The following ADGRV1 variants were observed in gnomAD, a reference collection of about 807,000 sequenced individuals.
The protein encoded by ADGRV1 is adhesion G protein-coupled receptor V1, also known as G-protein coupled receptor 98.
In ADGRV1, 359 loss-of-function variants were observed where a neutral mutation model predicts 596.2. The ratio of observed to expected loss-of-function variants is 0.60; its 90% CI spans 0.55 to 0.66. The LOEUF is 0.66. ADGRV1 is among the 30% of genes least tolerant of loss of function. The probability of loss-of-function intolerance (pLI) is 0.00; values close to 1 mark genes in which losing one functional copy is unlikely to be tolerated. For synonymous variants in ADGRV1, 2,681 were observed against 2,679.2 expected (o/e 1.00, Z -0.02); for missense variants, 7,274 against 7,575.6 (o/e 0.96, Z 1.48).
In ADGRV1 at chr5:90,728,664, T is replaced by C. The variant is rs769914351; in HGVS notation, c.10162-5T>C. ...AAGGGTTTTGTATTTCAACATTTCC[T>C]TCAGGTCTTCAGGTGGAATGGAGGA... On this transcript the variant is annotated splice_region_variant and splice_polypyrimidine_tract_variant and intron_variant, in intron 48 of 89. Coordinates refer to ENST00000405460, the MANE Select transcript of ADGRV1 (RefSeq NM_032119.4). 1.2e-6 allele frequency: 2 copies of C among 1,602,370 alleles called. No individual in the cohort carries two copies. Among genetic ancestry groups the C allele is most frequent in the Admixed American group, 1.7e-5 (1 of 58,592 alleles).
chr5:90,646,963 G>A (rs1240963960), intron 16 of ADGRV1, among the ~76,000 whole-genome samples: 2 of 151,758 alleles, frequency 1.3e-5, no homozygotes, highest in Admixed American at 6.6e-5. Context: ...TAGTAGAGAC[G>A]GGTTTTCACT....
At position 90,810,437 on chromosome 5, in the gene ADGRV1, G is replaced by T. The variant is rs201416399; in HGVS notation, c.15177G>T (p.Gln5059His). ...CACTGGAAGATTTTGAGCCTGTTCA[G>T]AATGGGGAACTGTTTTTTCAAAAAT... ...AKPLEDFEPVQNGELFFQKFQ... is the reference protein window; with the variant it reads ...AKPLEDFEPVHNGELFFQKFQ... Residue 5059 changes from glutamine (Q) to histidine (H), a missense_variant, in exon 74 of 90, where the codon CAG (glutamine) becomes CAT (histidine). By Grantham distance (24) the Gln-to-His change is conservative. Coordinates refer to ENST00000405460, the MANE Select transcript of ADGRV1 (RefSeq NM_032119.4). The T allele has an allele frequency of 1.1e-4, 173 of 1,613,862 alleles. No homozygotes were observed. The African/African-American group carries it at 1.9e-3, about 18-fold the overall frequency.
At chr5:90,812,521 A>G (rs950467195) in intron 74 of ADGRV1, among the ~76,000 whole-genome samples, 3 of 152,214 alleles carry the variant, frequency 2.0e-5, no homozygotes, top group Admixed American at 6.5e-5. Flanking sequence ...GGAAATGTAC[A>G]GTACTCTATA....
At position 91,131,424 on chromosome 5, in the gene ADGRV1, T is replaced by G. The variant is rs546067723; in HGVS notation, c.18433-18606T>G. Among the ~76,000 whole-genome samples, 650 of 147,102 alleles carry G rather than the reference T, an allele frequency of 4.4e-3. 6 individuals carry two copies. Among genetic ancestry groups the G allele is most frequent in the African/African-American group, 0.016 (628 of 40,210 alleles). On this transcript the variant is annotated intron_variant, in intron 87 of 89. Transcript: ENST00000405460. ...CTTCTTTTGAAGTGTCTGTTTGGGTTTTTTTTTTTTTTTTGGTTTTTCTTT... is the reference window on the plus strand; with the variant it reads ...CTTCTTTTGAAGTGTCTGTTTGGGTGTTTTTTTTTTTTTTGGTTTTTCTTT...
In ADGRV1 at chr5:90,811,266, C is replaced by T; in HGVS notation, c.16006C>T (p.Gln5336Ter). 6.2e-7 allele frequency: 1 copy of T among 1,612,590 alleles called. No individual in the cohort carries two copies. Among genetic ancestry groups the T allele is most frequent in the Non-Finnish European group, 8.5e-7 (1 of 1,179,230 alleles). ...CTTCTACGTGTTTCTCACAAACCCT[C>T]AAGGGGGAGCACAGATTGTGGAGGA... The part of the protein sequence containing the change: ...EFFYVFLTNP[Q>*]GGAQIVEEKD... Residue 5336 changes from glutamine (Q) to a stop codon, truncating the protein, a stop_gained, in exon 74 of 90, where the codon CAA becomes TAA. Transcript: ENST00000405460. LOFTEE classifies it high-confidence loss of function.
intron 5 of ADGRV1, among the ~76,000 whole-genome samples, chr5:90,624,377 T>G (rs1420699963): frequency 6.6e-6 from 1 of 152,090 alleles, no homozygotes; most frequent in Non-Finnish European, 1.5e-5. Flanking sequence ...CAGAGTAGAG[T>G]GTTTTCAACT....
rs559452205 is a variant in ADGRV1, at chr5:90,846,871, G to A, written c.17020-1766G>A. ...AGCCGATTGGTCTGTTTTACAGAGC[G>A]CTGATTGGTCCATTTTGACAGGGTG... On this transcript the variant is annotated intron_variant, in intron 78 of 89. Transcript: ENST00000405460. Among the ~76,000 whole-genome samples the A allele has an allele frequency of 8.5e-5, 13 of 152,296 alleles. 1 individual carries two copies. In the East Asian group the frequency reaches 1.2e-3, roughly 14 times the overall value.
At chr5:90,670,072 C>T (rs137953262) in intron 21 of ADGRV1, among the ~76,000 whole-genome samples, 1 of 152,272 alleles carries the variant, frequency 6.6e-6, no homozygotes, top group Non-Finnish European at 1.5e-5. Flanking sequence ...TTTATGATGT[C>T]AATCTCATCT....
At chr5:90,819,051 C>A (rs948928477) in intron 75 of ADGRV1, among the ~76,000 whole-genome samples, 1 of 152,036 alleles carries the variant, frequency 6.6e-6, no homozygotes, top group Non-Finnish European at 1.5e-5. Flanking sequence ...GTCCTGGACT[C>A]TTTTTGGTTG....
chr5:90,695,627 T>A (rs1326003186), intron 33 of ADGRV1, among the ~76,000 whole-genome samples: 1 of 152,148 alleles, frequency 6.6e-6, no homozygotes, highest in African/African-American at 2.4e-5. Flanking sequence ...TTTTAAGGCA[T>A]ATACTTTTTT....
chr5:91,148,469 C>T (rs529590982), intron 87 of ADGRV1, among the ~76,000 whole-genome samples: 1 of 152,366 alleles, frequency 6.6e-6, no homozygotes, highest in East Asian at 1.9e-4. Flanking sequence ...GCCTTGGCAG[C>T]TTCCACATGG....
At chr5:90,688,999 A>C (rs548345061) in intron 29 of ADGRV1, among the ~76,000 whole-genome samples, 1 of 152,322 alleles carries the variant, frequency 6.6e-6, no homozygotes, top group South Asian at 2.1e-4. Context: ...AAGACTGCCT[A>C]CTTTGATAGT....
At chr5:91,126,411 C>T (rs2126773236) in intron 87 of ADGRV1, among the ~76,000 whole-genome samples, 1 of 152,286 alleles carries the variant, frequency 6.6e-6, no homozygotes, top group Admixed American at 6.5e-5. Context: ...AACATTTTTC[C>T]TAAGACTATG....
intron 85 of ADGRV1, among the ~76,000 whole-genome samples, chr5:90,996,239 G>A (rs941885634): frequency 6.6e-6 from 1 of 152,168 alleles, no homozygotes; most frequent in African/African-American, 2.4e-5. Flanking sequence ...GGCCTGGGAG[G>A]GAAAAATGGT....
At chr5:90,908,437 G>T in intron 83 of ADGRV1, among the ~76,000 whole-genome samples, 1 of 152,174 alleles carries the variant, frequency 6.6e-6, no homozygotes, top group South Asian at 2.1e-4. Flanking sequence ...TGTTATGCTA[G>T]CAAATACTAG....
intron 39 of ADGRV1, 35 bp downstream of exon 39, chr5:90,708,944 A>T (rs762301568): frequency 7.2e-7 from 1 of 1,387,872 alleles, no homozygotes; most frequent in Non-Finnish European, 1.0e-6. Flanking sequence ...CTTTTTGCTC[A>T]CTTCAAATGA....
At position 90,675,260 on chromosome 5, in the gene ADGRV1, ACAGGGCTGCCTCCTCAG is replaced by A; in HGVS notation, c.5130_5146del (p.Gly1711Ter). On this transcript the variant is annotated frameshift_variant, in exon 24 of 90. Coordinates refer to ENST00000405460, the MANE Select transcript of ADGRV1 (RefSeq NM_032119.4). LOFTEE classifies it high-confidence loss of function. ...TCCACTAGGCTTGCTGCAGTTCTCC[ACAGGGCTGCCTCCTCAG>A]CCTAAGGACGCAATGACCCTGCCTG... The A allele has an allele frequency of 6.2e-7, 1 of 1,613,354 alleles. No homozygotes were observed. The highest frequency in any genetic ancestry group is 8.5e-7 in the Non-Finnish European group (1 of 1,179,774).
At chr5:90,757,643 A>T (rs1755980937) in intron 57 of ADGRV1, among the ~76,000 whole-genome samples, 1 of 152,226 alleles carries the variant, frequency 6.6e-6, no homozygotes, top group African/African-American at 2.4e-5. Flanking sequence ...AAAATGAACA[A>T]AATAGTTAAA....
At chr5:90,730,817 T>G (rs2366929) in intron 50 of ADGRV1, among the ~76,000 whole-genome samples, 1 of 151,906 alleles carries the variant, frequency 6.6e-6, no homozygotes, top group Non-Finnish European at 1.5e-5. Flanking sequence ...TGTCTCCTGT[T>G]GAGGTGTCTA....
Sources: allele counts gnomAD v4.1 joint callset (sites outside exome capture counted in the v4.1 genomes callset), GRCh38; gene constraint gnomAD v4.1.1; transcripts MANE v1.5; gene names NCBI Gene and HGNC (gene_info 2026-07-23, HGNC 2026-07-21).